The following CDH23 variants were observed in gnomAD, a reference collection of about 807,000 sequenced individuals.
CDH23 encodes cadherin related 23.
Under a neutral mutation model 317.1 loss-of-function variants are expected in CDH23, and 189 were observed. The ratio of observed to expected loss-of-function variants is 0.60; its 90% CI spans 0.53 to 0.67. The LOEUF (loss-of-function observed/expected upper bound fraction) is 0.67, where lower values mean the gene tolerates loss of function less well. Among genes scored for constraint, CDH23 ranks in the 30% least tolerant of loss-of-function variants. CDH23 has a pLI of 0.00. For synonymous variants in CDH23, 1,839 were observed against 1,876.8 expected (o/e 0.98, Z 0.52); for missense variants, 4,401 against 4,592.4 (o/e 0.96, Z 1.20).
At chr10:71,581,640 C>A (rs1054157299) in intron 9 of CDH23, among the ~76,000 whole-genome samples, 3 of 152,232 alleles carry the variant, frequency 2.0e-5, no homozygotes, top group African/African-American at 7.2e-5. Flanking sequence ...TGTTCTCAGC[C>A]CTTTGTGGCC....
At chr10:71,812,419 A>T in intron 66 of CDH23, 61 bp from the exon 67 acceptor site, 1 of 1,610,110 alleles carries the variant, frequency 6.2e-7, no homozygotes, top group Non-Finnish European at 8.5e-7. Flanking sequence ...GTGAGGCTGG[A>T]AGGGCACCTG....
At chr10:71,588,545 T>C (rs577898005) in intron 9 of CDH23, among the ~76,000 whole-genome samples, 69 of 152,292 alleles carry the variant, frequency 4.5e-4, no homozygotes, top group Admixed American at 3.3e-3. Flanking sequence ...TATAGTCTAG[T>C]TGATGACAAA....
chr10:71,567,574 G>A (rs776462442), intron 7 of CDH23, among the ~76,000 whole-genome samples: 5 of 152,244 alleles, frequency 3.3e-5, no homozygotes, highest in South Asian at 2.1e-4. Flanking sequence ...GAGTAGTGGC[G>A]GAGCAAGAAC....
At chr10:71,572,523 T>A in intron 8 of CDH23, among the ~76,000 whole-genome samples, 1 of 152,108 alleles carries the variant, frequency 6.6e-6, no homozygotes, top group East Asian at 1.9e-4. Flanking sequence ...GCTCAGGAGA[T>A]GGTAATGGAA....
intron 69 of CDH23, 61 bp from the exon 70 acceptor site, chr10:71,814,891 C>T (rs1842076449): frequency 6.6e-7 from 1 of 1,511,362 alleles, no homozygotes; most frequent in Non-Finnish European, 8.9e-7. Flanking sequence ...TCTCTGGGGC[C>T]ATCCACCTGC....
chr10:71,806,765 C>T (rs142250026), intron 57 of CDH23, among the ~76,000 whole-genome samples: 27 of 152,212 alleles, frequency 1.8e-4, no homozygotes, highest in Non-Finnish European at 3.7e-4. Flanking sequence ...CTAGTAGAGA[C>T]GGGTTTTTGC....
intron 1 of CDH23, among the ~76,000 whole-genome samples, chr10:71,419,543 A>G (rs1057268896): frequency 2.6e-5 from 4 of 152,114 alleles, no homozygotes; most frequent in Non-Finnish European, 1.5e-5. Flanking sequence ...GAATTCTCCT[A>G]ATTTCCCCCT....
chr10:71,615,565 G>A lies in CDH23; in HGVS notation c.894G>A (p.Leu298=), dbSNP rs111033474. 1,450 of 1,613,962 alleles carry A rather than the reference G, an allele frequency of 9.0e-4. 15 individuals are homozygous for A. In the African/African-American group the frequency reaches 0.017, roughly 19 times the overall value. Residue 298 remains leucine (L), a synonymous_variant, in exon 10 of 70, where the codon CTG becomes CTA. Transcript: ENST00000224721. ...YISGVLTLNG[L]LDRENPLYSH... ...GCGGAGTGCTGACCTTGAATGGCCT[G>A]CTGGACCGGGAGAACCCCCTGTACA...
intron 1 of CDH23, among the ~76,000 whole-genome samples, chr10:71,422,931 C>T (rs1227068694): frequency 2.0e-5 from 3 of 152,138 alleles, no homozygotes; most frequent in Non-Finnish European, 2.9e-5. Context: ...AGGGGCAAAG[C>T]CTTTGGAATT....
At chr10:71,456,312 G>T (rs1056832291) in intron 3 of CDH23, among the ~76,000 whole-genome samples, 2 of 151,744 alleles carry the variant, frequency 1.3e-5, no homozygotes, top group Admixed American at 1.3e-4. Context: ...TAGGAGTTGG[G>T]GGATGACTGA....
In CDH23 at chr10:71,807,634, C is replaced by T. The variant is rs1449676792; in HGVS notation, c.8427C>T (p.Arg2809=). 2.5e-6 allele frequency: 4 copies of T among 1,614,010 alleles called. No homozygotes were observed. Among genetic ancestry groups the T allele is most frequent in the Non-Finnish European group, 3.4e-6 (4 of 1,179,892 alleles). The change falls in exon 59 of 70, where the codon CGC becomes CGT. Residue 2809 remains arginine, a synonymous_variant. Transcript: ENST00000224721. The part of the protein sequence containing the change: ...FSFIVKASSN[R]SWTPPRGPSP... ...TCATCGTCAAGGCCTCCAGCAATCGCAGCTGGACACCTCCCCGTGGACCCT... is the reference window on the plus strand; with the variant it reads ...TCATCGTCAAGGCCTCCAGCAATCGTAGCTGGACACCTCCCCGTGGACCCT...
At chr10:71,598,426 C>T (rs1265620067) in intron 9 of CDH23, among the ~76,000 whole-genome samples, 1 of 152,204 alleles carries the variant, frequency 6.6e-6, no homozygotes, top group African/African-American at 2.4e-5. Context: ...GTAGCAGGAC[C>T]CTTTGCTCCG....
At chr10:71,759,816 AAT>A (rs201264532) in intron 38 of CDH23, among the ~76,000 whole-genome samples, 1,497 of 30,986 alleles carry the variant, frequency 0.048, 273 homozygotes, top group South Asian at 0.081. Context: ...TGTTTCAGAA[AAT>A]ATACACACAC....
Position 71,740,593 on chromosome 10 carries a change from G to A in CDH23, c.4489-229G>A, listed in dbSNP as rs140882489. On this transcript the variant is annotated intron_variant, in intron 36 of 69. Transcript: ENST00000224721. ...TCCAAACGAGGATCCCAAGTCAGACGACGATTGGGCAAGAATCATTTGCAG... is the reference window on the plus strand; with the variant it reads ...TCCAAACGAGGATCCCAAGTCAGACAACGATTGGGCAAGAATCATTTGCAG... 9.8e-4 allele frequency among the ~76,000 whole-genome samples: 150 copies of A among 152,310 alleles called. 1 individual carries two copies. Among genetic ancestry groups the A allele is most frequent in the African/African-American group, 3.4e-3 (142 of 41,582 alleles).
At chr10:71,641,908 T>A (rs1437562057) in intron 11 of CDH23, among the ~76,000 whole-genome samples, 1 of 151,958 alleles carries the variant, frequency 6.6e-6, no homozygotes, top group East Asian at 1.9e-4. Context: ...CGAAAACCCG[T>A]CTCTACCAAA....
chr10:71,633,357 T>C (rs1457885546), intron 11 of CDH23, among the ~76,000 whole-genome samples: 1 of 152,178 alleles, frequency 6.6e-6, no homozygotes, highest in East Asian at 1.9e-4. Flanking sequence ...AACTCATTCA[T>C]TCATGCCTTT....
At chr10:71,603,165 G>T (rs1256372239) in intron 9 of CDH23, among the ~76,000 whole-genome samples, 2 of 152,108 alleles carry the variant, frequency 1.3e-5, no homozygotes, top group African/African-American at 4.8e-5. Flanking sequence ...AGAGGAGGGG[G>T]TGACAACACG....
rs540367908 is a variant in CDH23, at chr10:71,742,875, G to A, written c.4845+954G>A. ...GGCAATCTGGACATGGCTTAGCCGG[G>A]TGGTTCTTCTGGTCTCAGCTGGGCT... On this transcript the variant is annotated intron_variant, in intron 38 of 69. Transcript: ENST00000224721. Among the ~76,000 whole-genome samples, 4 of 152,334 alleles carry A rather than the reference G, an allele frequency of 2.6e-5. 1 individual carries two copies. The South Asian group carries it at 8.3e-4, about 32-fold the overall frequency.
At position 71,725,454 on chromosome 10, in the gene CDH23, C is replaced by G. The variant is rs1866767416; in HGVS notation, c.3513C>G (p.Asn1171Lys). The change falls in exon 30 of 70, where the codon AAC becomes AAG. Residue 1171 changes from asparagine to lysine, a missense_variant. Physicochemically the swap from Asn to Lys is moderately conservative, Grantham distance 94. Transcript: ENST00000224721. ...RGPRPLDRER[N>K]SSHVLIVEAY... ...CCCGGCCCCTGGACCGGGAGCGGAA[C>G]TCATCCCACGTGCTGATAGTGGAGG... 1.2e-6 allele frequency: 2 copies of G among 1,614,054 alleles called. No individual in the cohort carries two copies. Among genetic ancestry groups the G allele is most frequent in the Non-Finnish European group, 8.5e-7 (1 of 1,179,898 alleles).
Sources: allele counts gnomAD v4.1 joint callset (sites outside exome capture counted in the v4.1 genomes callset), GRCh38; gene constraint gnomAD v4.1.1; transcripts MANE v1.5; gene names NCBI Gene and HGNC (gene_info 2026-07-23, HGNC 2026-07-21).